The following COLEC10 variants were observed in gnomAD, a reference collection of about 807,000 sequenced individuals.
COLEC10 encodes the protein collectin subfamily member 10.
A neutral mutation model predicts 28.4 loss-of-function variants in COLEC10; 22 were observed. That is an observed-to-expected ratio of 0.78 (90% CI 0.55 to 1.11). The LOEUF (loss-of-function observed/expected upper bound fraction) is 1.11. COLEC10 is among the 50% of genes least tolerant of loss of function. The pLI is 0.00. For synonymous variants in COLEC10, 125 were observed against 116.1 expected (o/e 1.08, Z -0.49); for missense variants, 361 against 344.1 (o/e 1.05, Z -0.39).
At chr8:118,995,810 A>G (rs1813578541) in intron 1 of COLEC10, among the ~76,000 whole-genome samples, 1 of 152,196 alleles carries the variant, frequency 6.6e-6, no homozygotes, top group African/African-American at 2.4e-5. Flanking sequence ...AAAATCCAGG[A>G]AAGCAAATAG....
chr8:119,011,946 T>G (rs998842613), intron 2 of COLEC10, among the ~76,000 whole-genome samples: 3 of 150,930 alleles, frequency 2.0e-5, no homozygotes, highest in Non-Finnish European at 4.4e-5. Context: ...ATGTCTTTTA[T>G]TTTTTCCTGT....
At chr8:119,060,480 A>G (rs1313802843) in intron 2 of COLEC10, among the ~76,000 whole-genome samples, 1 of 152,132 alleles carries the variant, frequency 6.6e-6, no homozygotes, top group Non-Finnish European at 1.5e-5. Flanking sequence ...CTAGAGGACT[A>G]TACCTGGTAT....
chr8:119,066,455 A>G (rs1377959083), upstream of COLEC10, among the ~76,000 whole-genome samples: 5 of 152,148 alleles, frequency 3.3e-5, no homozygotes, highest in African/African-American at 9.7e-5. Context: ...TATTTTGTAA[A>G]AGACTTGCTG....
the COLEC10 span, among the ~76,000 whole-genome samples, chr8:118,968,692 T>A: frequency 0.013 from 1,945 of 151,974 alleles, 23 homozygotes; most frequent in Middle Eastern, 0.024. Flanking sequence ...GTTACATAGG[T>A]ATACATGTGC....
intron 3 of COLEC10, among the ~76,000 whole-genome samples, chr8:119,101,237 C>T (rs1815818817): frequency 6.6e-6 from 1 of 152,128 alleles, no homozygotes; most frequent in Non-Finnish European, 1.5e-5. Context: ...GCTCCATATA[C>T]CTAGCCTAGG....
At chr8:118,959,850 T>C in the COLEC10 span, among the ~76,000 whole-genome samples, 2 of 152,212 alleles carry the variant, frequency 1.3e-5, no homozygotes, top group African/African-American at 4.8e-5. Flanking sequence ...TTCTATCTAG[T>C]CTCTTGATCA....
chr8:119,079,467 T>C (rs1038424603), intron 1 of COLEC10, among the ~76,000 whole-genome samples: 5 of 152,200 alleles, frequency 3.3e-5, no homozygotes, highest in Admixed American at 6.6e-5. Flanking sequence ...CCTGAATTGA[T>C]GGGATTTCTC....
At chr8:119,028,735 T>C (rs1464856639) in intron 2 of COLEC10, among the ~76,000 whole-genome samples, 5 of 152,214 alleles carry the variant, frequency 3.3e-5, no homozygotes, top group African/African-American at 1.2e-4. Flanking sequence ...AAATGCTCCA[T>C]AATCTATGTG....
chr8:119,023,332 T>A (rs1452366655), intron 2 of COLEC10, among the ~76,000 whole-genome samples: 1 of 152,208 alleles, frequency 6.6e-6, no homozygotes, highest in Non-Finnish European at 1.5e-5. Flanking sequence ...CATGTATGTA[T>A]CTCATTTGTA....
At chr8:119,062,293 G>A (rs911563831), upstream of COLEC10, among the ~76,000 whole-genome samples, 1 of 152,020 alleles carries the variant, frequency 6.6e-6, no homozygotes. Context: ...CAGAGTATCA[G>A]TGTGTTACTC....
intron 2 of COLEC10, among the ~76,000 whole-genome samples, chr8:119,059,079 T>A (rs553939986): frequency 6.6e-6 from 1 of 152,104 alleles, no homozygotes; most frequent in African/African-American, 2.4e-5. Context: ...TTGCCCATTT[T>A]TAATTTGATT....
At chr8:119,079,559 CA>C (rs1488046011) in intron 1 of COLEC10, among the ~76,000 whole-genome samples, 1 of 152,130 alleles carries the variant, frequency 6.6e-6, no homozygotes, top group Non-Finnish European at 1.5e-5. Flanking sequence ...ACCTGCCTAA[CA>C]AAACTTAATG....
the COLEC10 span, among the ~76,000 whole-genome samples, chr8:118,971,628 C>G: frequency 2.6e-5 from 4 of 151,890 alleles, no homozygotes; most frequent in African/African-American, 9.7e-5. Context: ...TGACTGTTTT[C>G]TCTTTCAAGG....
intron 2 of COLEC10, among the ~76,000 whole-genome samples, chr8:119,017,195 G>T (rs1193966321): frequency 6.6e-6 from 1 of 152,106 alleles, no homozygotes; most frequent in Non-Finnish European, 1.5e-5. Flanking sequence ...AGGATATATT[G>T]CTAGGGATTA....
chr8:119,061,601 T>A (rs997318823), intron 2 of COLEC10, among the ~76,000 whole-genome samples: 4 of 152,054 alleles, frequency 2.6e-5, no homozygotes, highest in African/African-American at 9.7e-5. Context: ...ATTTTCATAC[T>A]GGAATCCCAT....
chr8:119,106,062 T>C lies in COLEC10; in HGVS notation c.705T>C (p.Asn235=). 6.2e-7 allele frequency: 1 copy of C among 1,613,914 alleles called. No homozygotes were observed. The highest frequency in any genetic ancestry group is 1.7e-5 in the Admixed American group (1 of 59,954). ...CACTGCAGAACTATAGCAACTGGAATGAGGGGGAACCCAGCGACCCCTATG... is the reference window on the plus strand; with the variant it reads ...CACTGCAGAACTATAGCAACTGGAACGAGGGGGAACCCAGCGACCCCTATG... ...NTPLQNYSNW[N]EGEPSDPYGH... Residue 235 remains asparagine (N), a synonymous_variant, in exon 6 of 6, where the codon AAT becomes AAC. Coordinates refer to ENST00000332843, the MANE Select transcript of COLEC10 (RefSeq NM_006438.5).
chr8:119,086,666 C>T (rs1037105050), intron 1 of COLEC10, among the ~76,000 whole-genome samples: 1 of 152,152 alleles, frequency 6.6e-6, no homozygotes, highest in Non-Finnish European at 1.5e-5. Flanking sequence ...TCTGGTTAGA[C>T]ATTTGCTTGA....
the COLEC10 span, among the ~76,000 whole-genome samples, chr8:118,985,130 G>T: frequency 6.6e-6 from 1 of 152,094 alleles, no homozygotes; most frequent in Non-Finnish European, 1.5e-5. Flanking sequence ...CTCAGAGAGA[G>T]CATGGCCCTT....
intron 2 of COLEC10, among the ~76,000 whole-genome samples, chr8:119,048,417 A>T (rs1031051533): frequency 1.3e-5 from 2 of 152,188 alleles, no homozygotes; most frequent in African/African-American, 2.4e-5. Context: ...TTATGACTTG[A>T]TAATCTAACA....
Sources: gnomAD v4.1 joint callset for allele counts (sites outside exome capture counted in the v4.1 genomes callset) on GRCh38, gnomAD v4.1.1 for gene constraint, MANE v1.5 for transcripts, NCBI Gene and HGNC (gene_info 2026-07-23, HGNC 2026-07-21) for gene names.